Variants in ZNF223 observed in about 807,000 individuals in gnomAD.
ZNF223 encodes zinc finger protein 223.
In ZNF223, 9 loss-of-function variants were observed where a neutral mutation model predicts 12.3. That is an observed-to-expected ratio of 0.73 (90% CI 0.44 to 1.28). The LOEUF is 1.28. Ranked by LOEUF, ZNF223 falls within the 50% of genes most tolerant of loss-of-function variation. ZNF223 has a pLI of 0.00. For synonymous variants in ZNF223, 171 were observed against 195.2 expected (o/e 0.88, Z 1.03); for missense variants, 506 against 579.0 (o/e 0.87, Z 1.29).
rs753254563 is a variant in ZNF223 at position 44,060,484 on chromosome 19, G to A, written c.45G>A (p.Val15=). ...CAGTGACCTTCAAGGATGTGGCAGT[G>A]GTCTTCACTGAGGAGGAGCTGGGGC... ...KEAVTFKDVA[V]VFTEEELGLL... Residue 15 remains valine (V), a synonymous_variant, in exon 3 of 5, where the codon GTG becomes GTA. Coordinates refer to ENST00000434772, the MANE Select transcript of ZNF223 (RefSeq NM_013361.6). 1.1e-5 allele frequency: 17 copies of A among 1,614,160 alleles called. 1 individual carries two copies. Among genetic ancestry groups the A allele is most frequent in the Admixed American group, 1.7e-5 (1 of 60,030 alleles).
intron 4 of ZNF223, among the ~76,000 whole-genome samples, chr19:44,062,749 G>A (rs1198476735): frequency 1.3e-5 from 2 of 151,946 alleles, no homozygotes; most frequent in Non-Finnish European, 2.9e-5. Context: ...AAGTCTTTTT[G>A]AATGAGGATT....
chr19:44,055,776 G>C (rs1003002573), intron 2 of ZNF223, among the ~76,000 whole-genome samples: 2 of 151,812 alleles, frequency 1.3e-5, no homozygotes, highest in Non-Finnish European at 2.9e-5. Flanking sequence ...TCTCAAAAAA[G>C]AAAACAAAAC....
chr19:44,061,322 G>C (rs1976836436), intron 4 of ZNF223, among the ~76,000 whole-genome samples: 1 of 152,140 alleles, frequency 6.6e-6, no homozygotes, highest in African/African-American at 2.4e-5. Context: ...TTATTTCTCT[G>C]TTCTTTAGGC....
chr19:44,065,971 G>A (rs531869854), intron 4 of ZNF223, 93 bp from the exon 5 acceptor site: 20 of 1,496,342 alleles, frequency 1.3e-5, no homozygotes, highest in Middle Eastern at 1.8e-4. Context: ...CTGAACATTC[G>A]TTGAAGTTTC....
chr19:44,053,881 T>G (rs1391527460), intron 1 of ZNF223, among the ~76,000 whole-genome samples: 1 of 152,204 alleles, frequency 6.6e-6, no homozygotes, highest in Non-Finnish European at 1.5e-5. Context: ...TGCAAACACA[T>G]TTTTACCAAA....
chr19:44,066,066 G>T lies in ZNF223; in HGVS notation c.238G>T (p.Gly80Cys), dbSNP rs1179556188. The change falls in exon 5 of 5, where the codon GGC becomes TGC. Residue 80 changes from glycine to cysteine, a missense_variant and splice_region_variant. By Grantham distance (159) the Gly-to-Cys change is radical. Coordinates refer to ENST00000434772, the MANE Select transcript of ZNF223 (RefSeq NM_013361.6). ...IATQREGNSG[G>C]KIQPEMKTFP... ...CTCTTAATTTTGTATTCTGATAGGA[G>T]GCAAGATCCAACCTGAGATGAAGAC... The T allele has an allele frequency of 6.3e-7, 1 of 1,584,442 alleles. No homozygotes were observed. Among genetic ancestry groups the T allele is most frequent in the Non-Finnish European group, 8.6e-7 (1 of 1,169,200 alleles).
rs898751517 is a variant in ZNF223, at chr19:44,052,048, C to A, written c.-216C>A. 1.3e-5 allele frequency: 2 copies of A among 152,226 alleles called. No individual in the cohort carries two copies. Among genetic ancestry groups the A allele is most frequent in the Non-Finnish European group, 2.9e-5 (2 of 68,058 alleles). The allele number at this position is 152,226 out of a possible 1,614,324, so 9.4% of individuals were successfully genotyped here. A position where few individuals can be genotyped will look rare whatever the true frequency, so the allele number is the denominator to read the frequency against. ...CTTCCGGTCTCCTAGTCTGAGGTTC[C>A]TGCTTTAATGACCGGGGTAGTTTGA... On this transcript the variant is annotated 5_prime_UTR_variant, in exon 1 of 5. The change creates a new upstream start codon in the 5' untranslated region. Coordinates refer to ENST00000434772, the MANE Select transcript of ZNF223 (RefSeq NM_013361.6).
chr19:44,062,528 A>AT (rs140308032), intron 4 of ZNF223, among the ~76,000 whole-genome samples: 4,527 of 148,998 alleles, frequency 0.03, 215 homozygotes, highest in African/African-American at 0.1. Flanking sequence ...TGCAGAACAG[A>AT]TTTTTTTTTT....
intron 1 of ZNF223, among the ~76,000 whole-genome samples, chr19:44,053,970 A>G (rs965819959): frequency 3.3e-5 from 5 of 152,210 alleles, no homozygotes; most frequent in African/African-American, 1.2e-4. Context: ...GGTTGGGGCT[A>G]GGGTTACAGA....
At position 44,053,515 on chromosome 19, in the gene ZNF223, C is replaced by T. The variant is rs78221959; in HGVS notation, c.-69+1320C>T. Among the ~76,000 whole-genome samples the T allele has an allele frequency of 4.1e-4, 63 of 152,308 alleles. No individual in the cohort carries two copies. In the East Asian group the frequency reaches 0.011, roughly 27 times the overall value. On this transcript the variant is annotated intron_variant, in intron 1 of 4. Transcript: ENST00000434772. ...TGCCGCCAGTATGTCTCACCTCCAG[C>T]CATAAGGCGGTTTTCTCCTATCTCA...
Position 44,066,424 on chromosome 19 carries a change from T to C in ZNF223, c.596T>C (p.Leu199Pro), listed in dbSNP as rs890087497. 6.2e-7 allele frequency: 1 copy of C among 1,613,050 alleles called. No homozygotes were observed. The highest frequency in any genetic ancestry group is 2.2e-5 in the East Asian group (1 of 44,880). The change falls in exon 5 of 5, where the codon CTG becomes CCG. Residue 199 changes from leucine (L) to proline (P), a missense_variant. Leu to Pro is a moderately conservative substitution (Grantham distance 98). Coordinates refer to ENST00000434772, the MANE Select transcript of ZNF223 (RefSeq NM_013361.6). ...CTTCATATTCATCAGAGAGTCCACC[T>C]GGGAGAGAAACTCTTTAAGTGTGAC... Reference protein sequence around the residue: ...SALHIHQRVHLGEKLFKCDVC... With the variant: ...SALHIHQRVHPGEKLFKCDVC...
rs1410483189 is a variant in ZNF223 at position 44,056,710 on chromosome 19, C to G, written c.15+1519C>G. Among the ~76,000 whole-genome samples, 3 of 148,770 alleles carry G rather than the reference C, an allele frequency of 2.0e-5. No individual in the cohort carries two copies. The Admixed American group carries it at 2.0e-4, about 10-fold the overall frequency. On this transcript the variant is annotated intron_variant, in intron 2 of 4. Coordinates refer to ENST00000434772, the MANE Select transcript of ZNF223 (RefSeq NM_013361.6). ...CCGGGTTTACGCCGTTCTCCTGCCT[C>G]AGCCTCCCGAGTAGCTGGGACTACA...
intron 4 of ZNF223, among the ~76,000 whole-genome samples, chr19:44,064,271 G>T (rs1414231157): frequency 1.3e-5 from 2 of 152,044 alleles, no homozygotes; most frequent in African/African-American, 4.8e-5. Flanking sequence ...AGTTAAAAAG[G>T]CCTGTTTATC....
At chr19:44,062,775 T>G (rs1387779289) in intron 4 of ZNF223, among the ~76,000 whole-genome samples, 2 of 152,230 alleles carry the variant, frequency 1.3e-5, no homozygotes, top group Non-Finnish European at 2.9e-5. Flanking sequence ...CTAGCTTTCC[T>G]TTGAGAGATT....
intron 2 of ZNF223, chr19:44,060,233 A>T (rs1160037523): frequency 1.1e-5 from 8 of 732,408 alleles, no homozygotes; most frequent in Non-Finnish European, 1.7e-5. Flanking sequence ...ACTAAATAAG[A>T]CCACAAGACT....
intron 4 of ZNF223, 51 bp downstream of exon 4, chr19:44,060,892 C>T (rs779705755): frequency 2.6e-6 from 4 of 1,521,772 alleles, no homozygotes; most frequent in Admixed American, 1.7e-5. Flanking sequence ...ATCTGTTTTA[C>T]TTCTGTGCAC....
Position 44,067,407 on chromosome 19 carries a change from T to G in ZNF223, c.*130T>G. 8.9e-7 allele frequency: 1 copy of G among 1,120,016 alleles called. No homozygotes were observed. Among genetic ancestry groups the G allele is most frequent in the Non-Finnish European group, 1.3e-6 (1 of 767,290 alleles). The allele number at this position is 1,120,016 out of a possible 1,614,324, so 69.4% of individuals were successfully genotyped here. A position where few individuals can be genotyped will look rare whatever the true frequency, so the allele number is the denominator to read the frequency against. ...TTTTTTGTGTTGAGAAAATTAAAAA[T>G]TCATTGTTCCAGCAGTTTGAAAATA... On this transcript the variant is annotated 3_prime_UTR_variant, in exon 5 of 5. Coordinates refer to ENST00000434772, the MANE Select transcript of ZNF223 (RefSeq NM_013361.6).
intron 2 of ZNF223, among the ~76,000 whole-genome samples, chr19:44,058,662 G>A (rs1599868591): frequency 6.6e-6 from 1 of 152,220 alleles, no homozygotes; most frequent in East Asian, 1.9e-4. Context: ...TCCCAGTAGG[G>A]CTAAAAGCAC....
At chr19:44,065,577 CTTTTT>C (rs758805971) in intron 4 of ZNF223, among the ~76,000 whole-genome samples, 5 of 113,772 alleles carry the variant, frequency 4.4e-5, no homozygotes, top group Non-Finnish European at 7.6e-5. Flanking sequence ...TCTTTCTTTT[CTTTTT>C]TTTTTTTTTT....
Sources: allele counts gnomAD v4.1 joint callset (sites outside exome capture counted in the v4.1 genomes callset), GRCh38; gene constraint gnomAD v4.1.1; transcripts MANE v1.5; gene names NCBI Gene and HGNC (gene_info 2026-07-23, HGNC 2026-07-21).